HUNK: variants seen among roughly 807,000 people sequenced by gnomAD.
The protein encoded by HUNK is hormonally up-regulated Neu-associated kinase.
A neutral mutation model predicts 61.0 loss-of-function variants in HUNK; 21 were observed. The observed-to-expected ratio is 0.34, with a 90% CI of 0.24 to 0.50. The LOEUF is 0.50. Among genes scored for constraint, HUNK ranks in the 20% least tolerant of loss-of-function variants. HUNK has a pLI of 0.98. For synonymous variants in HUNK, 371 were observed against 386.1 expected (o/e 0.96, Z 0.46); for missense variants, 772 against 945.7 (o/e 0.82, Z 2.41).
At chr21:31,972,529 C>T (rs1479925120) in intron 6 of HUNK, among the ~76,000 whole-genome samples, 3 of 152,168 alleles carry the variant, frequency 2.0e-5, no homozygotes. Context: ...CCCCTGTGCA[C>T]ACCTCTCCTT....
At chr21:31,950,003 C>T (rs1267461399) in intron 4 of HUNK, among the ~76,000 whole-genome samples, 1 of 152,196 alleles carries the variant, frequency 6.6e-6, no homozygotes, top group Non-Finnish European at 1.5e-5. Flanking sequence ...CACTTGCCCC[C>T]ATGACACAGC....
At chr21:31,929,925 C>G (rs2123820043) in intron 2 of HUNK, among the ~76,000 whole-genome samples, 1 of 152,350 alleles carries the variant, frequency 6.6e-6, no homozygotes. Flanking sequence ...TGTTAACTTT[C>G]AGGTTTTCTT....
At chr21:31,941,783 G>T (rs2052770531) in intron 3 of HUNK, among the ~76,000 whole-genome samples, 1 of 152,202 alleles carries the variant, frequency 6.6e-6, no homozygotes, top group South Asian at 2.1e-4. Flanking sequence ...GTAGGGAATG[G>T]AGGAAAGGAG....
At chr21:31,974,826 C>A in intron 7 of HUNK, 109 bp downstream of exon 7, 2 of 1,096,338 alleles carry the variant, frequency 1.8e-6, no homozygotes, top group Non-Finnish European at 2.5e-6. Flanking sequence ...CTAATTTAAT[C>A]TAATGTGAGG....
At chr21:31,988,636 CCCT>C (rs916379246) in intron 8 of HUNK, among the ~76,000 whole-genome samples, 8 of 151,128 alleles carry the variant, frequency 5.3e-5, no homozygotes, top group African/African-American at 1.7e-4. Flanking sequence ...TCTCCTCCCT[CCCT>C]CATTTTTCTC....
At position 31,873,992 on chromosome 21, in the gene HUNK, A is replaced by T. The variant is rs2052237412; in HGVS notation, c.261+57A>T. On this transcript the variant is annotated intron_variant, in intron 1 of 10. Transcript: ENST00000270112. The surrounding 1 kb of genome is among the most constrained non-coding windows in gnomAD (Gnocchi z 6.1). ...ACAGGGGCGGGAGTCGGCGGCCAGGACCCCGCGGGGAGCACTGCACTGGGA... is the reference window on the plus strand; with the variant it reads ...ACAGGGGCGGGAGTCGGCGGCCAGGTCCCCGCGGGGAGCACTGCACTGGGA... 7.5e-7 allele frequency: 1 copy of T among 1,328,018 alleles called. No homozygotes were observed. The highest frequency in any genetic ancestry group is 2.6e-5 in the Admixed American group (1 of 37,746). The allele number at this position is 1,328,018 out of a possible 1,614,324, so 82.3% of individuals were successfully genotyped here. A position where few individuals can be genotyped will look rare whatever the true frequency, so the allele number is the denominator to read the frequency against.
intron 1 of HUNK, among the ~76,000 whole-genome samples, chr21:31,902,990 T>C (rs1044663803): frequency 1.3e-5 from 2 of 152,102 alleles, no homozygotes; most frequent in Non-Finnish European, 2.9e-5. Context: ...GATCAAAGTG[T>C]CTAATTTTAC....
At chr21:31,916,068 T>TC (rs397866970) in intron 1 of HUNK, among the ~76,000 whole-genome samples, 15 of 143,766 alleles carry the variant, frequency 1.0e-4, no homozygotes, top group Admixed American at 1.4e-4. Context: ...TTTTTTTTTT[T>TC]GAGACGGAGT....
intron 3 of HUNK, among the ~76,000 whole-genome samples, 165 bp from the exon 4 acceptor site, chr21:31,945,871 G>A (rs2052798810): frequency 6.6e-6 from 1 of 152,132 alleles, no homozygotes; most frequent in Non-Finnish European, 1.5e-5. Flanking sequence ...GTATCCAGAC[G>A]TTATGGTTTG....
intron 1 of HUNK, among the ~76,000 whole-genome samples, chr21:31,898,146 A>G (rs1160772022): frequency 6.6e-6 from 1 of 152,228 alleles, no homozygotes; most frequent in Non-Finnish European, 1.5e-5. Flanking sequence ...TGAGTCACAC[A>G]GGGCAGTATT....
chr21:31,962,644 A>G (rs1293726494), intron 5 of HUNK, among the ~76,000 whole-genome samples: 1 of 152,220 alleles, frequency 6.6e-6, no homozygotes, highest in Non-Finnish European at 1.5e-5. Context: ...TTCCTACAGG[A>G]CTTTGTTGTC....
chr21:31,879,600 C>T (rs374792726), intron 1 of HUNK, among the ~76,000 whole-genome samples: 11 of 152,102 alleles, frequency 7.2e-5, no homozygotes, highest in South Asian at 2.1e-4. Flanking sequence ...TGTTGAGTCA[C>T]GGCTATAGCT....
intron 1 of HUNK, among the ~76,000 whole-genome samples, chr21:31,896,561 G>A (rs2052426377): frequency 6.6e-6 from 1 of 151,988 alleles, no homozygotes; most frequent in Non-Finnish European, 1.5e-5. Flanking sequence ...TTCCATGTTG[G>A]GTCAAGAAAA....
At chr21:31,974,808 C>A in intron 7 of HUNK, 91 bp downstream of exon 7, 1 of 1,234,840 alleles carries the variant, frequency 8.1e-7, no homozygotes, top group Non-Finnish European at 1.1e-6. Context: ...GACACTTGAT[C>A]CAAGCTGCTA....
At chr21:31,939,403 T>G (rs1482852184) in intron 2 of HUNK, among the ~76,000 whole-genome samples, 1 of 113,124 alleles carries the variant, frequency 8.8e-6, no homozygotes, top group Non-Finnish European at 1.9e-5. Context: ...TCATGTGTTT[T>G]TTTTTTTTTT....
intron 4 of HUNK, 94 bp downstream of exon 4, chr21:31,946,265 T>C: frequency 7.9e-7 from 1 of 1,264,894 alleles, no homozygotes; most frequent in Non-Finnish European, 1.1e-6. Context: ...ATGGCATGTA[T>C]AGGTGACAGG....
At chr21:31,955,386 C>T (rs186052859) in intron 4 of HUNK, among the ~76,000 whole-genome samples, 1,619 of 148,454 alleles carry the variant, frequency 0.011, 32 homozygotes, top group African/African-American at 0.037. Context: ...GTCAGGAGAT[C>T]GAGACCATCC....
At chr21:31,933,494 A>G (rs2052712100) in intron 2 of HUNK, among the ~76,000 whole-genome samples, 1 of 152,038 alleles carries the variant, frequency 6.6e-6, no homozygotes, top group African/African-American at 2.4e-5. Flanking sequence ...TACTAAAAAT[A>G]CACAAATTGG....
intron 1 of HUNK, among the ~76,000 whole-genome samples, chr21:31,905,782 T>C (rs2052500994): frequency 1.3e-5 from 2 of 152,238 alleles, no homozygotes; most frequent in Admixed American, 1.3e-4. Flanking sequence ...CCCTTTCTCA[T>C]GAACACAGGC....
Sources: allele counts gnomAD v4.1 joint callset (sites outside exome capture counted in the v4.1 genomes callset), GRCh38; gene constraint gnomAD v4.1.1; non-coding constraint Gnocchi (gnomAD v3.1); transcripts MANE v1.5; gene names NCBI Gene and HGNC (gene_info 2026-07-23, HGNC 2026-07-21).